Variants in CERS6 observed in about 807,000 individuals in gnomAD.
CERS6 encodes LAG1 homolog, ceramide synthase 6.
CERS6 carries 26 observed loss-of-function variants against 56.8 expected under a neutral mutation model. The ratio of observed to expected loss-of-function variants is 0.46; its 90% CI spans 0.34 to 0.63. CERS6 has a LOEUF of 0.63. Ranked by LOEUF, CERS6 falls within the 30% of genes least tolerant of loss-of-function variation. The pLI is 0.01. For synonymous variants in CERS6, 164 were observed against 173.3 expected (o/e 0.95, Z 0.42); for missense variants, 415 against 467.5 (o/e 0.89, Z 1.04).
chr2:168,668,877 T>A (rs892144514), intron 4 of CERS6, among the ~76,000 whole-genome samples: 3 of 152,164 alleles, frequency 2.0e-5, no homozygotes, highest in African/African-American at 4.8e-5. Context: ...GTTATTAGAT[T>A]TTTTTTATAT....
At chr2:168,754,106 C>T (rs1465933563) in intron 8 of CERS6, among the ~76,000 whole-genome samples, 1 of 152,152 alleles carries the variant, frequency 6.6e-6, no homozygotes, top group African/African-American at 2.4e-5. Context: ...TCAAATACCA[C>T]TCCCCGTGTT....
chr2:168,684,526 T>C (rs1212843567), intron 4 of CERS6, among the ~76,000 whole-genome samples: 1 of 152,236 alleles, frequency 6.6e-6, no homozygotes. Context: ...TCAAATTGAT[T>C]TGATTTATAT....
chr2:168,663,171 C>T (rs1685676244), intron 4 of CERS6, among the ~76,000 whole-genome samples: 1 of 152,104 alleles, frequency 6.6e-6, no homozygotes, highest in African/African-American at 2.4e-5. Flanking sequence ...TTCTTGTTTC[C>T]AAATCACCAT....
At chr2:168,606,909 A>C (rs528938816) in intron 3 of CERS6, among the ~76,000 whole-genome samples, 2 of 152,304 alleles carry the variant, frequency 1.3e-5, no homozygotes, top group East Asian at 3.9e-4. Flanking sequence ...TGCTCTGGCC[A>C]TGTAAGATGT....
intron 8 of CERS6, among the ~76,000 whole-genome samples, chr2:168,729,697 A>G (rs1168122291): frequency 1.3e-5 from 2 of 152,220 alleles, no homozygotes; most frequent in East Asian, 3.8e-4. Context: ...AGTGTTGCCA[A>G]GGAGACGGAA....
chr2:168,500,289 A>G (rs879481338), intron 1 of CERS6, among the ~76,000 whole-genome samples: 9 of 152,242 alleles, frequency 5.9e-5, no homozygotes, highest in Non-Finnish European at 7.3e-5. Context: ...CTCAAGGTAT[A>G]GAATGAATGT....
At chr2:168,469,025 G>A (rs927992983) in intron 1 of CERS6, among the ~76,000 whole-genome samples, 4 of 152,042 alleles carry the variant, frequency 2.6e-5, no homozygotes, top group Admixed American at 2.6e-4. Flanking sequence ...TAAGCCTAGT[G>A]GATTATCTTA....
intron 3 of CERS6, among the ~76,000 whole-genome samples, chr2:168,595,973 G>T (rs1683786827): frequency 6.6e-6 from 1 of 151,704 alleles, no homozygotes; most frequent in Non-Finnish European, 1.5e-5. Flanking sequence ...ATTAGGCCAG[G>T]CGTGGTGGCT....
intron 7 of CERS6, among the ~76,000 whole-genome samples, chr2:168,715,471 C>T (rs953304814): frequency 1.3e-5 from 2 of 152,002 alleles, no homozygotes; most frequent in Admixed American, 1.3e-4. Context: ...TTTTGTAAAA[C>T]GCAGTTTAGT....
At chr2:168,696,821 T>C (rs1686659836) in intron 6 of CERS6, among the ~76,000 whole-genome samples, 1 of 152,192 alleles carries the variant, frequency 6.6e-6, no homozygotes, top group South Asian at 2.1e-4. Context: ...TTTCAATATA[T>C]ATATTTGAGA....
rs140680384 is a variant in CERS6, at chr2:168,634,823, G to A, written c.465+3781G>A. 4.6e-5 allele frequency among the ~76,000 whole-genome samples: 7 copies of A among 152,240 alleles called. No homozygotes were observed. In the East Asian group the frequency reaches 1.2e-3, roughly 25 times the overall value. On this transcript the variant is annotated intron_variant, in intron 4 of 9. Coordinates refer to ENST00000305747, the MANE Select transcript of CERS6 (RefSeq NM_203463.3). ...TTTCAATATCAGTCAGGGGTCCATAGGAGATAGAAACCCCAGAAGTTAATT... is the reference window on the plus strand; with the variant it reads ...TTTCAATATCAGTCAGGGGTCCATAAGAGATAGAAACCCCAGAAGTTAATT...
chr2:168,462,540 T>A (rs1693797234), intron 1 of CERS6, among the ~76,000 whole-genome samples: 1 of 152,180 alleles, frequency 6.6e-6, no homozygotes, highest in South Asian at 2.1e-4. Flanking sequence ...AGGATGATTC[T>A]TTTATTTATT....
chr2:168,583,638 A>G (rs1216497236), intron 3 of CERS6, among the ~76,000 whole-genome samples: 1 of 152,186 alleles, frequency 6.6e-6, no homozygotes, highest in Non-Finnish European at 1.5e-5. Context: ...GGGTTGTTTG[A>G]ACTATGAGAA....
intron 4 of CERS6, among the ~76,000 whole-genome samples, chr2:168,645,403 A>G (rs1416763703): frequency 1.3e-5 from 2 of 151,630 alleles, no homozygotes; most frequent in East Asian, 1.9e-4. Flanking sequence ...AGGTACATCC[A>G]TATTTTAATG....
In CERS6 at chr2:168,768,219, T is replaced by TTTTTG. The variant is rs535683181; in HGVS notation, c.1003-1271_1003-1267dup. Among the ~76,000 whole-genome samples the TTTTTG allele has an allele frequency of 1.8e-3, 270 of 151,904 alleles. 2 individuals are homozygous for TTTTTG. Among genetic ancestry groups the TTTTTG allele is most frequent in the African/African-American group, 6.1e-3 (254 of 41,430 alleles). On this transcript the variant is annotated intron_variant, in intron 9 of 9. Transcript: ENST00000305747. ...GACTTGGCAGGATGGGAGCCAGTTTTTTTTGTTTTGTTTTGTTTTGTTTTT... is the reference window on the plus strand; with the variant it reads ...GACTTGGCAGGATGGGAGCCAGTTTTTTTTGTTTTGTTTTGTTTTGTTTTGTTTTT...
intron 4 of CERS6, among the ~76,000 whole-genome samples, chr2:168,674,153 C>CT (rs1190366350): frequency 6.6e-6 from 1 of 152,172 alleles, no homozygotes; most frequent in East Asian, 1.9e-4. Flanking sequence ...CCGAGAGTGT[C>CT]TAAGATGTTT....
At chr2:168,623,808 A>G (rs905404599) in intron 3 of CERS6, among the ~76,000 whole-genome samples, 16 of 152,126 alleles carry the variant, frequency 1.1e-4, no homozygotes, top group African/African-American at 3.6e-4. Context: ...ATAGTTACCC[A>G]TTTCTAGTCT....
chr2:168,487,363 A>C (rs1233749960), intron 1 of CERS6, among the ~76,000 whole-genome samples: 2 of 152,176 alleles, frequency 1.3e-5, no homozygotes, highest in Non-Finnish European at 2.9e-5. Flanking sequence ...TCTCTCCTCT[A>C]CTATTTTAAA....
chr2:168,683,257 T>C (rs138459042), intron 4 of CERS6, among the ~76,000 whole-genome samples: 64 of 152,286 alleles, frequency 4.2e-4, no homozygotes, highest in African/African-American at 1.3e-3. Flanking sequence ...CCTGTAAGTA[T>C]ATAAGTGACC....
Sources: gnomAD v4.1 joint callset for allele counts (sites outside exome capture counted in the v4.1 genomes callset) on GRCh38, gnomAD v4.1.1 for gene constraint, MANE v1.5 for transcripts, NCBI Gene and HGNC (gene_info 2026-07-23, HGNC 2026-07-21) for gene names.